The following ZFAND6 variants were observed in gnomAD, a reference collection of about 807,000 sequenced individuals.
ZFAND6 encodes the protein AN1-type zinc finger protein 6.
ZFAND6 carries 12 observed loss-of-function variants against 24.5 expected under a neutral mutation model. The ratio of observed to expected loss-of-function variants is 0.49; its 90% CI spans 0.31 to 0.79. The LOEUF is 0.79. ZFAND6 is among the 30% of genes least tolerant of loss of function. The probability of loss-of-function intolerance (pLI) is 0.04; values close to 1 mark genes in which losing one functional copy is unlikely to be tolerated. For missense variants in ZFAND6, 207 were observed against 245.9 expected, an observed-to-expected ratio of 0.84 and a Z score of 1.06; for synonymous variants, 92 against 81.5, an observed-to-expected ratio of 1.13 and a Z score of -0.69.
chr15:80,109,545 C>A (rs1041967576), intron 2 of ZFAND6, among the ~76,000 whole-genome samples: 1 of 152,134 alleles, frequency 6.6e-6, no homozygotes, highest in African/African-American at 2.4e-5. Flanking sequence ...AAATACCTGT[C>A]ATACCCAGCA....
Position 80,131,243 on chromosome 15 carries a change from A to G in ZFAND6, c.428A>G (p.Lys143Arg). 1.2e-6 allele frequency: 2 copies of G among 1,613,068 alleles called. No individual in the cohort carries two copies. The highest frequency in any genetic ancestry group is 1.7e-6 in the Non-Finnish European group (2 of 1,179,414). The change falls in exon 6 of 7, where the codon AAA becomes AGA. Residue 143 changes from lysine to arginine, a missense_variant. Around this residue, in one of 3 missense-constraint regions of ZFAND6, gnomAD observed 133 missense variants for 122.8 expected, o/e 1.08. Transcript: ENST00000261749. ...CAAAGCAAGTCTCTTGAAAAACCGA[A>G]ACAAAAAAAGAATCGCTGTTTCATG... ...EEQSKSLEKP[K>R]QKKNRCFMCR... is the part of the protein sequence containing the mutation.
Position 80,115,840 on chromosome 15 carries a change from A to G in ZFAND6, c.-17-4488A>G, listed in dbSNP as rs191557243. Among the ~76,000 whole-genome samples, 496 of 152,252 alleles carry G rather than the reference A, an allele frequency of 3.3e-3. 4 individuals are homozygous for G. Among genetic ancestry groups the G allele is most frequent in the African/African-American group, 0.011 (474 of 41,560 alleles). Reference sequence around the variant, plus strand: ...ACTTTAATCTTAATGTTTTGAAGTAATTGTAATGAAAAGCTTAGTGGTCAT... The same window carrying G: ...ACTTTAATCTTAATGTTTTGAAGTAGTTGTAATGAAAAGCTTAGTGGTCAT... On this transcript the variant is annotated intron_variant, in intron 2 of 6. Transcript: ENST00000261749.
chr15:80,081,147 T>C (rs1310953261), intron 1 of ZFAND6, among the ~76,000 whole-genome samples: 2 of 152,256 alleles, frequency 1.3e-5, no homozygotes, highest in Non-Finnish European at 2.9e-5. Context: ...AAAAAATTTA[T>C]TCTTTGCAGA....
chr15:80,119,105 T>C (rs1332487748), intron 2 of ZFAND6, among the ~76,000 whole-genome samples: 1 of 151,938 alleles, frequency 6.6e-6, no homozygotes, highest in African/African-American at 2.4e-5. Flanking sequence ...TTAGTACTTC[T>C]GTCATGTTAT....
intron 1 of ZFAND6, among the ~76,000 whole-genome samples, chr15:80,097,714 C>G (rs1053888112): frequency 6.6e-6 from 1 of 152,152 alleles, no homozygotes; most frequent in Non-Finnish European, 1.5e-5. Context: ...GTCATTATGA[C>G]TGCCTATGTA....
At chr15:80,124,841 A>G (rs970447686) in intron 5 of ZFAND6, among the ~76,000 whole-genome samples, 1 of 152,204 alleles carries the variant, frequency 6.6e-6, no homozygotes. Context: ...CAGTTTTAAG[A>G]GAGGAGGGTT....
chr15:80,095,295 T>G (rs1166804113), intron 1 of ZFAND6, among the ~76,000 whole-genome samples: 1 of 152,184 alleles, frequency 6.6e-6, no homozygotes, highest in Non-Finnish European at 1.5e-5. Context: ...AGGAATGTGG[T>G]TTTGGCAGGA....
Position 80,122,704 on chromosome 15 carries a change from G to A in ZFAND6, c.268G>A (p.Val90Ile), listed in dbSNP as rs969710220. ...TGAAATATTTTGCTTTTCTAGCCCT[G>A]TATCAAATCAGTCACTTTTATCAGA... is the stretch of plus-strand genomic sequence containing the variant. ...STSSSMQPSPVSNQSLLSESV... is the reference protein window; with the variant it reads ...STSSSMQPSPISNQSLLSESV... Residue 90 changes from valine (V) to isoleucine (I), a missense_variant, in exon 5 of 7, where the codon GTA becomes ATA. Around this residue, in one of 3 missense-constraint regions of ZFAND6, gnomAD observed 133 missense variants for 122.8 expected, o/e 1.08. Transcript: ENST00000261749. The A allele has an allele frequency of 5.6e-6, 9 of 1,612,666 alleles. No homozygotes were observed. The highest frequency in any genetic ancestry group is 4.0e-5 in the African/African-American group (3 of 74,862).
intron 2 of ZFAND6, among the ~76,000 whole-genome samples, chr15:80,100,506 C>G (rs1332036927): frequency 1.3e-5 from 2 of 152,122 alleles, no homozygotes; most frequent in African/African-American, 4.8e-5. Context: ...TCTCTGTGTT[C>G]TGTTCTATAT....
At chr15:80,127,606 A>C (rs868722419) in intron 5 of ZFAND6, among the ~76,000 whole-genome samples, 75 of 149,384 alleles carry the variant, frequency 5.0e-4, no homozygotes, top group Non-Finnish European at 8.4e-4. Context: ...AAAAAAAAAA[A>C]AAAAAAAAAC....
At chr15:80,094,992 C>T (rs909045312) in intron 1 of ZFAND6, among the ~76,000 whole-genome samples, 4 of 152,090 alleles carry the variant, frequency 2.6e-5, no homozygotes, top group Non-Finnish European at 5.9e-5. Context: ...AGGCTGGTCT[C>T]GAGCTCCTGA....
At chr15:80,135,295 G>A (rs1402196508) in intron 6 of ZFAND6, among the ~76,000 whole-genome samples, 1 of 152,004 alleles carries the variant, frequency 6.6e-6, no homozygotes, top group Admixed American at 6.6e-5. Context: ...TGTGTTAGTC[G>A]ACTATGTTAC....
intron 1 of ZFAND6, among the ~76,000 whole-genome samples, chr15:80,097,651 C>CAAATAAAT (rs71453502): frequency 4.7e-4 from 71 of 150,114 alleles, no homozygotes; most frequent in African/African-American, 1.3e-3. Flanking sequence ...GAAACTGTCT[C>CAAATAAAT]AAATAAATAA....
At chr15:80,077,891 G>T (rs756578691) in intron 1 of ZFAND6, among the ~76,000 whole-genome samples, 5 of 151,020 alleles carry the variant, frequency 3.3e-5, no homozygotes, top group Non-Finnish European at 7.4e-5. Flanking sequence ...GTAGAGATGG[G>T]GTTTCACCAT....
At chr15:80,081,645 A>G (rs925925528) in intron 1 of ZFAND6, among the ~76,000 whole-genome samples, 64 of 152,210 alleles carry the variant, frequency 4.2e-4, no homozygotes, top group African/African-American at 1.5e-3. Context: ...TTGGCCACCT[A>G]TGATTGGCTG....
At chr15:80,094,527 G>A (rs1271954905) in intron 1 of ZFAND6, among the ~76,000 whole-genome samples, 1 of 144,962 alleles carries the variant, frequency 6.9e-6, no homozygotes, top group Non-Finnish European at 1.5e-5. Flanking sequence ...ACTGGTCCCT[G>A]GACCTCTTAG....
chr15:80,103,322 A>G (rs2039134244), intron 2 of ZFAND6, among the ~76,000 whole-genome samples: 1 of 152,204 alleles, frequency 6.6e-6, no homozygotes, highest in Admixed American at 6.5e-5. Context: ...ATTTTCAGTG[A>G]GCACTTACTC....
chr15:80,079,236 T>C (rs1360125200), intron 1 of ZFAND6, among the ~76,000 whole-genome samples: 2 of 152,232 alleles, frequency 1.3e-5, no homozygotes, highest in African/African-American at 4.8e-5. Context: ...TCCTTTTTTT[T>C]TGGAGACGGA....
chr15:80,120,381 C>A lies in ZFAND6; in HGVS notation c.37C>A (p.Leu13Ile), dbSNP rs1440713078. ...QETNHSQVPM[L>I]CSTGCGFYGN... ...AACTAATCACAGCCAAGTGCCTATG[C>A]TTTGTTCCACTGGCTGTGGATTTTA... Residue 13 changes from leucine (L) to isoleucine (I), a missense_variant, in exon 3 of 7, where the codon CTT becomes ATT. Leu to Ile is a conservative substitution (Grantham distance 5). Around this residue, in one of 3 missense-constraint regions of ZFAND6, gnomAD observed 29 missense variants for 55.4 expected, o/e 0.52. Transcript: ENST00000261749. 6.2e-7 allele frequency: 1 copy of A among 1,602,852 alleles called. No individual in the cohort carries two copies.
Sources: allele counts gnomAD v4.1 joint callset (sites outside exome capture counted in the v4.1 genomes callset), GRCh38; gene constraint gnomAD v4.1.1; regional missense constraint gnomAD v4.1.1; transcripts MANE v1.5; gene names NCBI Gene and HGNC (gene_info 2026-07-23, HGNC 2026-07-21).